MYO6: variants seen among roughly 807,000 people sequenced by gnomAD.
MYO6 encodes the protein unconventional myosin-VI.
A neutral mutation model predicts 178.7 loss-of-function variants in MYO6; 74 were observed. The observed-to-expected ratio is 0.41, with a 90% CI of 0.34 to 0.50. The LOEUF is 0.50. Ranked by LOEUF, MYO6 falls within the 20% of genes least tolerant of loss-of-function variation. MYO6 has a pLI of 0.09. For missense variants in MYO6, 1,330 were observed against 1,547.4 expected, an observed-to-expected ratio of 0.86 and a Z score of 2.36; for synonymous variants, 477 against 504.6, an observed-to-expected ratio of 0.95 and a Z score of 0.73.
intron 1 of MYO6, among the ~76,000 whole-genome samples, chr6:75,813,161 A>C (rs568823078): frequency 1.1e-4 from 17 of 152,120 alleles, no homozygotes; most frequent in Non-Finnish European, 2.4e-4. Flanking sequence ...GATTGATGCC[A>C]CCTGGGAGGC....
In MYO6 at chr6:75,892,656, A is replaced by G; in HGVS notation, c.3073A>G (p.Ser1025Gly). 6.2e-7 allele frequency: 1 copy of G among 1,612,750 alleles called. No homozygotes were observed. Among genetic ancestry groups the G allele is most frequent in the Non-Finnish European group, 8.5e-7 (1 of 1,179,998 alleles). ...TGCCCAGAGTGAAGCCGAGCTCATC[A>G]GTGATGAGGCCCAGGCCGACCTGGC... ...RIAQSEAELI[S>G]DEAQADLALR... Residue 1025 changes from serine to glycine, a missense_variant, in exon 28 of 35, where the codon AGT (serine) becomes GGT (glycine). Around this residue, in one of 3 missense-constraint regions of MYO6, gnomAD observed 601 missense variants for 626.1 expected, o/e 0.96. Coordinates refer to ENST00000369977, the MANE Select transcript of MYO6 (RefSeq NM_004999.4).
intron 26 of MYO6, 27 bp downstream of exon 26, chr6:75,890,292 A>T (rs1389781268): frequency 6.2e-7 from 1 of 1,612,790 alleles, no homozygotes; most frequent in South Asian, 1.1e-5. Flanking sequence ...ATTTTGAATA[A>T]GAGACTTAAA....
intron 30 of MYO6, among the ~76,000 whole-genome samples, chr6:75,900,738 T>C (rs1257429816): frequency 1.3e-5 from 2 of 151,994 alleles, no homozygotes; most frequent in African/African-American, 4.8e-5. Context: ...TTTAGTTTAA[T>C]TAGATCCCAT....
chr6:75,868,631 T>G (rs1045748221), intron 18 of MYO6, among the ~76,000 whole-genome samples: 3 of 152,112 alleles, frequency 2.0e-5, no homozygotes, highest in Admixed American at 6.5e-5. Context: ...TATTTCACGT[T>G]TTTCTCTGAG....
At chr6:75,758,017 G>A (rs184893489) in intron 1 of MYO6, among the ~76,000 whole-genome samples, 18 of 99,600 alleles carry the variant, frequency 1.8e-4, no homozygotes, top group Non-Finnish European at 2.9e-4. Flanking sequence ...TCGTTCTGTT[G>A]CCCAGGCTGG....
In MYO6 at chr6:75,915,027, C is replaced by A. The variant is rs767081639; in HGVS notation, c.*15C>A. 3 of 1,605,712 alleles carry A rather than the reference C, an allele frequency of 1.9e-6. No individual in the cohort carries two copies. Among genetic ancestry groups the A allele is most frequent in the Non-Finnish European group, 1.7e-6 (2 of 1,176,294 alleles). On this transcript the variant is annotated 3_prime_UTR_variant, in exon 35 of 35. Transcript: ENST00000369977. ...TGTTAAAGTAGATGTTGCACACCAG[C>A]CTTACAGCTGGGAGCCTTTGCCATG...
chr6:75,899,248 A>T (rs746617516), intron 30 of MYO6, among the ~76,000 whole-genome samples: 25 of 152,202 alleles, frequency 1.6e-4, no homozygotes, highest in Non-Finnish European at 3.1e-4. Context: ...AATTTAATGT[A>T]ATTTTTAAAA....
At chr6:75,793,152 C>T (rs1262195296) in intron 1 of MYO6, among the ~76,000 whole-genome samples, 2 of 151,982 alleles carry the variant, frequency 1.3e-5, no homozygotes, top group African/African-American at 2.4e-5. Context: ...TCCTGTTTCC[C>T]CTTAGGGAAA....
Position 75,892,588 on chromosome 6 carries a change from T to C in MYO6, c.3005T>C (p.Val1002Ala). 6.2e-7 allele frequency: 1 copy of C among 1,613,814 alleles called. No individual in the cohort carries two copies. The highest frequency in any genetic ancestry group is 8.5e-7 in the Non-Finnish European group (1 of 1,180,014). Residue 1002 changes from valine to alanine, a missense_variant, in exon 28 of 35, where the codon GTT becomes GCT. Coordinates refer to ENST00000369977, the MANE Select transcript of MYO6 (RefSeq NM_004999.4). ...QKEEESQQQAVLEQERRDREL... is the reference protein window; with the variant it reads ...QKEEESQQQAALEQERRDREL... ...GAGGAGGAATCCCAACAGCAAGCAG[T>C]TCTGGAGCAGGAGCGCAGGGACCGG...
chr6:75,771,308 T>C (rs1290879912), intron 1 of MYO6, among the ~76,000 whole-genome samples: 1 of 152,106 alleles, frequency 6.6e-6, no homozygotes, highest in Non-Finnish European at 1.5e-5. Flanking sequence ...AGCCCAGAAA[T>C]TTTCTTAATA....
At chr6:75,856,484 C>CTT (rs369616135) in intron 12 of MYO6, among the ~76,000 whole-genome samples, 3 of 138,682 alleles carry the variant, frequency 2.2e-5, no homozygotes, top group African/African-American at 2.6e-5. Flanking sequence ...ATTTGACTTT[C>CTT]TTTTTTTTTT....
intron 17 of MYO6, 115 bp from the exon 18 acceptor site, chr6:75,866,817 G>A (rs1776744265): frequency 3.3e-6 from 4 of 1,204,866 alleles, no homozygotes; most frequent in South Asian, 2.5e-5. Context: ...GACGGCGTTG[G>A]ACAGTGCAGA....
intron 28 of MYO6, among the ~76,000 whole-genome samples, chr6:75,893,620 T>A (rs1441136965): frequency 6.6e-6 from 1 of 152,238 alleles, no homozygotes; most frequent in Non-Finnish European, 1.5e-5. Flanking sequence ...TCATGCTTTT[T>A]CTATTAGGTT....
At chr6:75,870,602 A>G in intron 18 of MYO6, 45 bp from the exon 19 acceptor site, 1 of 1,480,724 alleles carries the variant, frequency 6.8e-7, no homozygotes. Flanking sequence ...GACACTGTGT[A>G]CTTTGGCTTT....
rs372965136 is a variant in MYO6, at chr6:75,830,563, T to C, written c.391+18T>C. 1.4e-5 allele frequency: 23 copies of C among 1,605,566 alleles called. No individual in the cohort carries two copies. Among genetic ancestry groups the C allele is most frequent in the African/African-American group, 2.7e-5 (2 of 74,698 alleles). On this transcript the variant is annotated intron_variant, in intron 5 of 34. Coordinates refer to ENST00000369977, the MANE Select transcript of MYO6 (RefSeq NM_004999.4). Reference sequence around the variant, plus strand: ...TGCAATTGGTAAGTGATTTTAAATGTATTTTAATTCTTGTCTTTCTTTATA... The same window carrying C: ...TGCAATTGGTAAGTGATTTTAAATGCATTTTAATTCTTGTCTTTCTTTATA...
intron 1 of MYO6, among the ~76,000 whole-genome samples, chr6:75,813,578 C>CCCTTT (rs1770909518): frequency 1.3e-5 from 2 of 152,162 alleles, no homozygotes; most frequent in African/African-American, 4.8e-5. Context: ...CCTTACTCTT[C>CCCTTT]CCTTTCCTTT....
chr6:75,787,119 G>A (rs918686396), intron 1 of MYO6, among the ~76,000 whole-genome samples: 1 of 152,094 alleles, frequency 6.6e-6, no homozygotes, highest in Non-Finnish European at 1.5e-5. Flanking sequence ...CCTATGCAAT[G>A]ACATAGCACT....
Position 75,879,886 on chromosome 6 carries a change from A to G in MYO6, c.2144A>G (p.Tyr715Cys). The part of the protein sequence containing the change: ...YPSRASFHEL[Y>C]NMYKKYMPDK... ...TCACGAGCTTCATTTCATGAACTCT[A>G]CAACATGTACAAAAAGTATATGCCA... Residue 715 changes from tyrosine to cysteine, a missense_variant, in exon 21 of 35, where the codon TAC (tyrosine) becomes TGC (cysteine). Transcript: ENST00000369977. The G allele has an allele frequency of 2.5e-6, 4 of 1,614,140 alleles. No individual in the cohort carries two copies. Among genetic ancestry groups the G allele is most frequent in the South Asian group, 1.1e-5 (1 of 91,082 alleles).
At position 75,908,477 on chromosome 6, in the gene MYO6, TG is replaced by T. The variant is rs1780515175; in HGVS notation, c.3281-18del. 5.0e-6 allele frequency: 8 copies of T among 1,610,072 alleles called. No individual in the cohort carries two copies. Among genetic ancestry groups the T allele is most frequent in the Admixed American group, 1.7e-5 (1 of 59,672 alleles). The stretch of plus-strand genomic sequence containing the variant: ...AATTAACATGTCAATTTTTTTTTTT[TG>T]CTCAATGTAATCAATAGATATTGAG... On this transcript the variant is annotated intron_variant, in intron 31 of 34. Coordinates refer to ENST00000369977, the MANE Select transcript of MYO6 (RefSeq NM_004999.4).
Sources: allele counts gnomAD v4.1 joint callset (sites outside exome capture counted in the v4.1 genomes callset), GRCh38; gene constraint gnomAD v4.1.1; regional missense constraint gnomAD v4.1.1; transcripts MANE v1.5; gene names NCBI Gene and HGNC (gene_info 2026-07-23, HGNC 2026-07-21).